The following PRKCE variants were observed in gnomAD, a reference collection of about 807,000 sequenced individuals.
PRKCE encodes protein kinase C epsilon.
PRKCE carries 16 observed loss-of-function variants against 85.4 expected under a neutral mutation model. The observed-to-expected ratio is 0.19, with a 90% CI of 0.13 to 0.28. The LOEUF is 0.28. Ranked by LOEUF, PRKCE falls within the 10% of genes least tolerant of loss-of-function variation. The pLI is 1.00. For synonymous variants in PRKCE, 388 were observed against 371.5 expected, an observed-to-expected ratio of 1.04 and a Z score of -0.51; for missense variants, 573 against 975.2, an observed-to-expected ratio of 0.59 and a Z score of 5.49.
intron 11 of PRKCE, among the ~76,000 whole-genome samples, chr2:46,088,719 C>T (rs1426201998): frequency 1.3e-5 from 2 of 152,168 alleles, no homozygotes; most frequent in African/African-American, 2.4e-5. Flanking sequence ...TACTTCAAGG[C>T]TGTGCATTGT....
chr2:45,833,516 C>T (rs907365018), intron 1 of PRKCE, among the ~76,000 whole-genome samples: 8 of 152,156 alleles, frequency 5.3e-5, no homozygotes, highest in Non-Finnish European at 1.0e-4. Context: ...TTCAAGTGCT[C>T]CACCATCTCC....
At chr2:45,928,953 T>C (rs1225648530) in intron 2 of PRKCE, among the ~76,000 whole-genome samples, 1 of 152,198 alleles carries the variant, frequency 6.6e-6, no homozygotes, top group African/African-American at 2.4e-5. Flanking sequence ...TGAGTTGTGC[T>C]TATTGTAGGC....
rs1016653908 is a variant in PRKCE at position 45,946,834 on chromosome 2, G to T, written c.413-29595G>T. The stretch of plus-strand genomic sequence containing the variant: ...GGATGCTGCACCAGTGCAAGCCTTA[G>T]CTATCACTCCGCCTTAGAGGGGTCA... On this transcript the variant is annotated intron_variant, in intron 2 of 14. Coordinates refer to ENST00000306156, the MANE Select transcript of PRKCE (RefSeq NM_005400.3). 6.6e-5 allele frequency among the ~76,000 whole-genome samples: 10 copies of T among 152,242 alleles called. No homozygotes were observed. The East Asian group carries it at 1.9e-3, about 29-fold the overall frequency.
intron 12 of PRKCE, among the ~76,000 whole-genome samples, chr2:46,147,770 A>G (rs1473834674): frequency 1.1e-4 from 16 of 152,224 alleles, no homozygotes; most frequent in Admixed American, 1.0e-3. Context: ...CATGGTTATC[A>G]TCATTGTTGG....
chr2:46,021,120 T>C lies in PRKCE; in HGVS notation c.1437+10603T>C, dbSNP rs13426795. Among the ~76,000 whole-genome samples, 5 of 152,088 alleles carry C rather than the reference T, an allele frequency of 3.3e-5. 1 individual carries two copies. The South Asian group carries it at 1.0e-3, about 32-fold the overall frequency. On this transcript the variant is annotated intron_variant, in intron 10 of 14. Coordinates refer to ENST00000306156, the MANE Select transcript of PRKCE (RefSeq NM_005400.3). ...CATTGGGGGGCAGGGCACAGTGAGTTTGGGGGCAGGAGGCATTTGCAGGAA... is the reference window on the plus strand; with the variant it reads ...CATTGGGGGGCAGGGCACAGTGAGTCTGGGGGCAGGAGGCATTTGCAGGAA...
intron 1 of PRKCE, among the ~76,000 whole-genome samples, chr2:45,677,345 TG>T (rs1477630475): frequency 1.4e-5 from 2 of 142,132 alleles, no homozygotes; most frequent in Non-Finnish European, 1.5e-5. Context: ...TTTTTTTTGT[TG>T]TTGTTGTTTT....
intron 1 of PRKCE, among the ~76,000 whole-genome samples, chr2:45,689,604 T>C (rs1365902499): frequency 2.6e-5 from 4 of 151,788 alleles, no homozygotes; most frequent in Admixed American, 2.6e-4. Context: ...AGTGAAAAAG[T>C]AAATGCTTAA....
At chr2:45,849,573 A>G (rs536216871) in intron 2 of PRKCE, among the ~76,000 whole-genome samples, 35 of 152,308 alleles carry the variant, frequency 2.3e-4, no homozygotes, top group African/African-American at 7.2e-4. Context: ...GGGACCTCAA[A>G]GCCAGACACC....
chr2:45,735,254 A>T (rs1681955531), intron 1 of PRKCE, among the ~76,000 whole-genome samples: 1 of 152,226 alleles, frequency 6.6e-6, no homozygotes, highest in Non-Finnish European at 1.5e-5. Flanking sequence ...TTCCAGCTTG[A>T]GTTAGACATC....
intron 9 of PRKCE, among the ~76,000 whole-genome samples, chr2:46,009,163 T>C (rs1018532203): frequency 6.6e-6 from 1 of 152,178 alleles, no homozygotes; most frequent in Non-Finnish European, 1.5e-5. Flanking sequence ...TGAAAAGGAA[T>C]CACGTTTCCA....
Position 46,151,238 on chromosome 2 carries a change from C to T in PRKCE, c.1920+9C>T, listed in dbSNP as rs61759987. ...TCAGCATCTTGAAAGCTGTGAGTCA[C>T]TGCCCCTCACCCATGGCTGTGCTCT... On this transcript the variant is annotated intron_variant, in intron 13 of 14. Transcript: ENST00000306156. 51,121 of 1,592,562 alleles carry T rather than the reference C, an allele frequency of 0.032. 974 individuals are homozygous for T. The highest frequency in any genetic ancestry group is 0.036 in the Non-Finnish European group (42,373 of 1,175,142).
chr2:46,148,519 T>A lies in PRKCE; in HGVS notation c.1732-2522T>A, dbSNP rs570074601. Among the ~76,000 whole-genome samples, 5 of 152,258 alleles carry A rather than the reference T, an allele frequency of 3.3e-5. No homozygotes were observed. In the South Asian group the frequency reaches 8.3e-4, roughly 25 times the overall value. On this transcript the variant is annotated intron_variant, in intron 12 of 14. Coordinates refer to ENST00000306156, the MANE Select transcript of PRKCE (RefSeq NM_005400.3). ...AAGGCACAGAACCCAGCTGCCTCCT[T>A]CCGAGAAGCTGGAGGGCAGCCACTG...
chr2:46,174,313 G>C (rs139734405), intron 14 of PRKCE, among the ~76,000 whole-genome samples: 69 of 152,342 alleles, frequency 4.5e-4, no homozygotes, highest in African/African-American at 1.7e-3. Context: ...TGCTTAAAAA[G>C]CAAGTGGGTC....
intron 10 of PRKCE, among the ~76,000 whole-genome samples, chr2:46,034,844 A>G (rs1006348133): frequency 6.6e-6 from 1 of 152,270 alleles, no homozygotes; most frequent in Non-Finnish European, 1.5e-5. Context: ...CAGTAGCCAG[A>G]TTCATTACTG....
intron 1 of PRKCE, among the ~76,000 whole-genome samples, chr2:45,656,937 G>C (rs1675406033): frequency 6.6e-6 from 1 of 152,224 alleles, no homozygotes; most frequent in African/African-American, 2.4e-5. Flanking sequence ...TGAACTAGAA[G>C]TATTGGGATT....
At chr2:45,653,166 G>A (rs1457805222) in intron 1 of PRKCE, among the ~76,000 whole-genome samples, 6 of 152,098 alleles carry the variant, frequency 3.9e-5, no homozygotes, top group African/African-American at 1.4e-4. Context: ...TTGTTTCTCT[G>A]TTTTGATTGT....
At chr2:46,094,995 T>G (rs1670547496) in intron 11 of PRKCE, among the ~76,000 whole-genome samples, 2 of 152,242 alleles carry the variant, frequency 1.3e-5, no homozygotes, top group Non-Finnish European at 2.9e-5. Flanking sequence ...TGATGCGATA[T>G]AGGTCTGTTT....
intron 2 of PRKCE, among the ~76,000 whole-genome samples, chr2:45,940,577 G>GA (rs1699800328): frequency 6.6e-6 from 1 of 152,162 alleles, no homozygotes; most frequent in Non-Finnish European, 1.5e-5. Flanking sequence ...AGAAGATGAT[G>GA]ACTTGTATCC....
At chr2:45,881,887 G>A (rs529499078) in intron 2 of PRKCE, among the ~76,000 whole-genome samples, 1 of 152,330 alleles carries the variant, frequency 6.6e-6, no homozygotes, top group South Asian at 2.1e-4. Flanking sequence ...TAGAAGCTCA[G>A]TGGTAGCTCG....
Sources: gnomAD v4.1 joint callset for allele counts (sites outside exome capture counted in the v4.1 genomes callset) on GRCh38, gnomAD v4.1.1 for gene constraint, MANE v1.5 for transcripts, NCBI Gene and HGNC (gene_info 2026-07-23, HGNC 2026-07-21) for gene names.